PDILT: variants seen among roughly 807,000 people sequenced by gnomAD.
The protein encoded by PDILT is protein disulfide-isomerase-like protein of the testis.
PDILT carries 43 observed loss-of-function variants against 53.7 expected under a neutral mutation model. The observed-to-expected ratio is 0.80, with a 90% CI of 0.63 to 1.03. PDILT has a LOEUF of 1.03. PDILT is among the 50% of genes least tolerant of loss of function. The pLI, the probability that PDILT is intolerant of heterozygous loss-of-function variation, is 0.00. For missense variants in PDILT, 727 were observed against 712.3 expected (o/e 1.02, Z -0.24); for synonymous variants, 282 against 274.2 (o/e 1.03, Z -0.28).
At chr16:20,367,312 C>G (rs1340491514) in intron 8 of PDILT, among the ~76,000 whole-genome samples, 1 of 151,972 alleles carries the variant, frequency 6.6e-6, no homozygotes, top group East Asian at 1.9e-4. Flanking sequence ...CCATGTTGAC[C>G]CTTGCTGTGC....
chr16:20,398,486 C>T (rs1157000436), intron 2 of PDILT, among the ~76,000 whole-genome samples: 2 of 152,136 alleles, frequency 1.3e-5, no homozygotes, highest in Non-Finnish European at 1.5e-5. Context: ...CAAAAGTTAG[C>T]TGGGTGTGGT....
chr16:20,399,203 A>T lies in PDILT; in HGVS notation c.98T>A (p.Ile33Lys). Residue 33 changes from isoleucine (I) to lysine (K), a missense_variant, in exon 2 of 12, where the codon ATA becomes AAA. Coordinates refer to ENST00000302451, the MANE Select transcript of PDILT (RefSeq NM_174924.2). ...CTCCAGGATGTGCACAGGCTTGGTTATGTGGATGCTGGAAACACCGGCGTT... is the reference window on the plus strand; with the variant it reads ...CTCCAGGATGTGCACAGGCTTGGTTTTGTGGATGCTGGAAACACCGGCGTT... ...EVNAGVSSIHITKPVHILEER... is the reference protein window; with the variant it reads ...EVNAGVSSIHKTKPVHILEER... 1 of 1,614,164 alleles carries T rather than the reference A, an allele frequency of 6.2e-7. No individual in the cohort carries two copies. Among genetic ancestry groups the T allele is most frequent in the African/African-American group, 1.3e-5 (1 of 75,048 alleles).
At chr16:20,376,660 G>C (rs528225309) in intron 3 of PDILT, among the ~76,000 whole-genome samples, 1 of 152,300 alleles carries the variant, frequency 6.6e-6, no homozygotes, top group East Asian at 1.9e-4. Context: ...TAACTGGAAA[G>C]ACCACATAGC....
chr16:20,386,736 C>G (rs1434983182), intron 2 of PDILT, among the ~76,000 whole-genome samples: 1 of 152,246 alleles, frequency 6.6e-6, no homozygotes, highest in Admixed American at 6.5e-5. Context: ...TCCATCATCA[C>G]CAGCATGCAC....
chr16:20,380,333 C>A (rs984211443), intron 3 of PDILT, among the ~76,000 whole-genome samples: 4 of 151,952 alleles, frequency 2.6e-5, no homozygotes, highest in South Asian at 4.2e-4. Context: ...CTTTTATTTT[C>A]TTTTTCTTTT....
At chr16:20,401,096 G>A (rs1027607033) in intron 1 of PDILT, among the ~76,000 whole-genome samples, 1 of 152,176 alleles carries the variant, frequency 6.6e-6, no homozygotes, top group Non-Finnish European at 1.5e-5. Context: ...AGAAAAGGAA[G>A]AAGGGCAAGT....
chr16:20,401,784 C>T (rs371244184), intron 1 of PDILT, among the ~76,000 whole-genome samples: 125 of 152,346 alleles, frequency 8.2e-4, no homozygotes, highest in South Asian at 2.3e-3. Context: ...AAAAGCCAGG[C>T]GGGAGGAGCT....
Position 20,359,487 on chromosome 16 carries a change from C to A in PDILT, c.1587G>T (p.Gly529=). 1.2e-6 allele frequency: 2 copies of A among 1,614,142 alleles called. No homozygotes were observed. The highest frequency in any genetic ancestry group is 1.7e-6 in the Non-Finnish European group (2 of 1,179,996). The change falls in exon 12 of 12, where the codon GGG becomes GGT. Residue 529 remains glycine (G), a synonymous_variant. Coordinates refer to ENST00000302451, the MANE Select transcript of PDILT (RefSeq NM_174924.2). ...EEKEVPMMRK[G]LPEQQSPELE... The stretch of plus-strand genomic sequence containing the variant: ...GCTCAGGCGACTGCTGTTCAGGTAA[C>A]CCTTTCCTCATCATAGGCACCTCCT...
chr16:20,370,657 G>C (rs1966292471), intron 7 of PDILT, among the ~76,000 whole-genome samples: 1 of 152,168 alleles, frequency 6.6e-6, no homozygotes. Context: ...ATGAGGCTGA[G>C]ACCTACGGGG....
chr16:20,403,115 C>G (rs1358687521), intron 1 of PDILT, among the ~76,000 whole-genome samples: 1 of 152,158 alleles, frequency 6.6e-6, no homozygotes, highest in Non-Finnish European at 1.5e-5. Flanking sequence ...TGCATTCCCT[C>G]CACATTCTCC....
intron 8 of PDILT, among the ~76,000 whole-genome samples, chr16:20,367,000 C>CTTTATTTA (rs1308840238): frequency 2.3e-5 from 3 of 130,722 alleles, no homozygotes; most frequent in African/African-American, 9.2e-5. Flanking sequence ...TTCTTTCTTT[C>CTTTATTTA]TTTATTTATT....
intron 9 of PDILT, among the ~76,000 whole-genome samples, chr16:20,365,003 C>A (rs2141701934): frequency 6.6e-6 from 1 of 152,318 alleles, no homozygotes; most frequent in East Asian, 1.9e-4. Flanking sequence ...AAAATGTCTT[C>A]TCCTCCCTGA....
chr16:20,403,300 A>G (rs1966767283), intron 1 of PDILT, among the ~76,000 whole-genome samples: 1 of 151,884 alleles, frequency 6.6e-6, no homozygotes, highest in African/African-American at 2.4e-5. Flanking sequence ...TTTTATTTTT[A>G]TTGTTTGAGA....
chr16:20,371,159 G>C (rs956758446), intron 7 of PDILT, among the ~76,000 whole-genome samples: 2 of 152,176 alleles, frequency 1.3e-5, no homozygotes, highest in Admixed American at 1.3e-4. Flanking sequence ...CACCATGAGG[G>C]AGAGAGACAA....
At chr16:20,373,608 C>G (rs371672440) in intron 5 of PDILT, among the ~76,000 whole-genome samples, 32 of 152,218 alleles carry the variant, frequency 2.1e-4, no homozygotes, top group African/African-American at 6.8e-4. Context: ...ACATAGTGAA[C>G]TATAACCTAA....
chr16:20,367,060 TTTCTTTCTTTC>T (rs1265193081), intron 8 of PDILT, among the ~76,000 whole-genome samples: 1 of 121,090 alleles, frequency 8.3e-6, no homozygotes, highest in Non-Finnish European at 1.7e-5. Context: ...TCTTTCTTTC[TTTCTTTCTTTC>T]TTTCTTTCTT....
intron 2 of PDILT, among the ~76,000 whole-genome samples, chr16:20,398,748 T>C (rs565175740): frequency 6.6e-6 from 1 of 152,306 alleles, no homozygotes; most frequent in East Asian, 1.9e-4. Flanking sequence ...TAATCTTCAC[T>C]ATAATCCAGT....
At chr16:20,397,041 G>A (rs1356542566) in intron 2 of PDILT, among the ~76,000 whole-genome samples, 2 of 152,206 alleles carry the variant, frequency 1.3e-5, no homozygotes, top group African/African-American at 2.4e-5. Flanking sequence ...ATCTTCTTAA[G>A]TTCTTATTAC....
chr16:20,383,398 C>G (rs1425560099), intron 3 of PDILT, among the ~76,000 whole-genome samples: 2 of 152,160 alleles, frequency 1.3e-5, no homozygotes, highest in Non-Finnish European at 2.9e-5. Context: ...CCCCTGGTAT[C>G]TATAGGAAAC....
Sources: allele counts gnomAD v4.1 joint callset (sites outside exome capture counted in the v4.1 genomes callset), GRCh38; gene constraint gnomAD v4.1.1; transcripts MANE v1.5; gene names NCBI Gene and HGNC (gene_info 2026-07-23, HGNC 2026-07-21).